Variants in FAM133A observed in about 807,000 individuals in gnomAD.
The protein encoded by FAM133A is family with sequence similarity 133 member A.
For missense variants in FAM133A, 159 were observed against 164.4 expected (o/e 0.97, Z 0.18); for synonymous variants, 65 against 58.6 (o/e 1.11, Z -0.50).
intron 2 of FAM133A, among the ~76,000 whole-genome samples, chrX:93,688,995 G>A (rs1307853617): frequency 9.1e-6 from 1 of 110,046 alleles, no homozygotes; most frequent in Admixed American, 9.8e-5. Flanking sequence ...ATATAGAGAT[G>A]GTATTGGAGA....
At chrX:93,689,535 T>C (rs1925756684) in intron 2 of FAM133A, among the ~76,000 whole-genome samples, 1 of 111,836 alleles carries the variant, frequency 8.9e-6, no homozygotes, top group African/African-American at 3.3e-5. Flanking sequence ...TATATAAATT[T>C]GTTTTTTTAA....
At chrX:93,687,719 C>T (rs933225619) in intron 2 of FAM133A, among the ~76,000 whole-genome samples, 19 of 111,447 alleles carry the variant, frequency 1.7e-4, no homozygotes, top group Non-Finnish European at 1.7e-4. Context: ...TAACTCTAGT[C>T]ATCTTACTAT....
In FAM133A at chrX:93,698,777, A is replaced by G. The variant is rs150316725; in HGVS notation, c.-104+292A>G. On this transcript the variant is annotated intron_variant, in intron 3 of 3. Transcript: ENST00000683942. ...ATTTTAGAGGAAATGAGGTTAATACAGGTGGTTTCTTTTGGTTTGTAAATG... is the reference window on the plus strand; with the variant it reads ...ATTTTAGAGGAAATGAGGTTAATACGGGTGGTTTCTTTTGGTTTGTAAATG... Among the ~76,000 whole-genome samples, 617 of 111,722 alleles carry G rather than the reference A, an allele frequency of 5.5e-3. 3 individuals are homozygous for G. Among genetic ancestry groups the G allele is most frequent in the African/African-American group, 0.019 (597 of 30,807 alleles).
At chrX:93,704,421 T>A (rs1031332029) in intron 3 of FAM133A, among the ~76,000 whole-genome samples, 3 of 111,492 alleles carry the variant, frequency 2.7e-5, no homozygotes, top group African/African-American at 9.7e-5. Flanking sequence ...ACATTAAGGT[T>A]TTTTTTTAAA....
chrX:93,704,674 G>A (rs1926930048), intron 3 of FAM133A, among the ~76,000 whole-genome samples: 1 of 111,848 alleles, frequency 8.9e-6, no homozygotes, highest in African/African-American at 3.2e-5. Flanking sequence ...AAACTACATT[G>A]TGAAACATTT....
chrX:93,710,179 A>C lies in FAM133A; in HGVS notation c.*13A>C. ...CAAGTCAAGGTAACATCAAGAAAAAAAGCAAGAATGAGTTTGCCGAGTTCC... is the reference window on the plus strand; with the variant it reads ...CAAGTCAAGGTAACATCAAGAAAAACAGCAAGAATGAGTTTGCCGAGTTCC... On this transcript the variant is annotated 3_prime_UTR_variant, in exon 4 of 4. Transcript: ENST00000683942. 1 of 1,150,003 alleles carries C rather than the reference A, an allele frequency of 8.7e-7. No homozygotes were observed. Among genetic ancestry groups the C allele is most frequent in the African/African-American group, 1.8e-5 (1 of 54,531 alleles). The allele number at this position is 1,150,003 out of a possible 1,213,427, so 94.8% of individuals were successfully genotyped here.
At chrX:93,700,468 A>T (rs1211120043) in intron 3 of FAM133A, among the ~76,000 whole-genome samples, 1 of 111,456 alleles carries the variant, frequency 9.0e-6, no homozygotes, top group East Asian at 2.8e-4. Context: ...TCAGCTTAAG[A>T]CATTTTTCCA....
chrX:93,705,409 T>A (rs1602848054), intron 3 of FAM133A, among the ~76,000 whole-genome samples: 1 of 111,670 alleles, frequency 9.0e-6, no homozygotes, highest in Admixed American at 9.6e-5. Flanking sequence ...TTGTTGGTGT[T>A]ACTTTTTCTC....
At position 93,688,450 on chromosome X, in the gene FAM133A, C is replaced by G. The variant is rs749017899; in HGVS notation, c.-192-9947C>G. ...GTTAGTATCTTTTTTGAATGGTAGT[C>G]TTGTATATTTGTCTAACTATTTATG... On this transcript the variant is annotated intron_variant, in intron 2 of 3. Transcript: ENST00000683942. Among the ~76,000 whole-genome samples, 3 of 110,621 alleles carry G rather than the reference C, an allele frequency of 2.7e-5. No individual in the cohort carries two copies. The South Asian group carries it at 1.1e-3, about 42-fold the overall frequency.
intron 3 of FAM133A, among the ~76,000 whole-genome samples, chrX:93,707,584 T>A (rs1027622612): frequency 5.4e-5 from 6 of 111,483 alleles, no homozygotes; most frequent in African/African-American, 2.0e-4. Context: ...ACTTACCTCC[T>A]TCCCCCTGCC....
chrX:93,701,413 G>GAGA (rs1926695380), intron 3 of FAM133A, among the ~76,000 whole-genome samples: 1 of 111,814 alleles, frequency 8.9e-6, no homozygotes, highest in African/African-American at 3.2e-5. Context: ...ACAATGGGCA[G>GAGA]AGAACATAGG....
chrX:93,707,866 A>G (rs1216942565), intron 3 of FAM133A, among the ~76,000 whole-genome samples: 1 of 111,950 alleles, frequency 8.9e-6, no homozygotes, highest in Non-Finnish European at 1.9e-5. Context: ...TATGTCAGGT[A>G]ATGGGAACAC....
Position 93,709,616 on chromosome X carries a change from A to G in FAM133A, c.197A>G (p.Asn66Ser). The G allele has an allele frequency of 8.4e-7, 1 of 1,196,923 alleles. No homozygotes were observed. Among genetic ancestry groups the G allele is most frequent in the South Asian group, 1.9e-5 (1 of 53,548 alleles). ...TTAGCTGAATTTGAAGAAAAAATGA[A>G]TGAAAATTGGAAGAAAGAACTTGAA... Reference protein sequence around the residue: ...KALAEFEEKMNENWKKELEKS... With the variant: ...KALAEFEEKMSENWKKELEKS... The change falls in exon 4 of 4, where the codon AAT becomes AGT. Residue 66 changes from asparagine (N) to serine (S), a missense_variant. By Grantham distance (46) the Asn-to-Ser change is conservative. Transcript: ENST00000683942.
intron 2 of FAM133A, among the ~76,000 whole-genome samples, chrX:93,694,007 AT>A (rs778856324): frequency 9.0e-6 from 1 of 110,509 alleles, no homozygotes; most frequent in African/African-American, 3.3e-5. Context: ...CCCAAGGTAT[AT>A]TTTTTTTAAA....
At chrX:93,684,244 A>G (rs1292329588) in intron 2 of FAM133A, among the ~76,000 whole-genome samples, 1 of 111,973 alleles carries the variant, frequency 8.9e-6, no homozygotes, top group Non-Finnish European at 1.9e-5. Context: ...TCCCAGCACT[A>G]TTTATTGAAG....
At chrX:93,676,817 C>T (rs776233170) in intron 2 of FAM133A, among the ~76,000 whole-genome samples, 57 of 110,260 alleles carry the variant, frequency 5.2e-4, no homozygotes, top group Non-Finnish European at 8.6e-4. Flanking sequence ...ATTATTTTTT[C>T]CAGATATAGG....
intron 2 of FAM133A, among the ~76,000 whole-genome samples, chrX:93,695,357 G>A (rs1231177295): frequency 9.1e-6 from 1 of 109,940 alleles, no homozygotes; most frequent in Admixed American, 9.7e-5. Context: ...GGATTCAAGC[G>A]ATTCTCCTGC....
chrX:93,704,140 GA>G (rs1185184855), intron 3 of FAM133A, among the ~76,000 whole-genome samples: 2 of 111,356 alleles, frequency 1.8e-5, no homozygotes, highest in African/African-American at 6.5e-5. Flanking sequence ...GTATTTCCTG[GA>G]AATTAATATA....
At chrX:93,687,209 G>A (rs1196988700) in intron 2 of FAM133A, among the ~76,000 whole-genome samples, 1 of 112,144 alleles carries the variant, frequency 8.9e-6, no homozygotes, top group Non-Finnish European at 1.9e-5. Context: ...TAGAGCTGGA[G>A]GCTACTTTTC....
Sources: allele counts gnomAD v4.1 joint callset (sites outside exome capture counted in the v4.1 genomes callset), GRCh38; gene constraint gnomAD v4.1.1; transcripts MANE v1.5; gene names NCBI Gene and HGNC (gene_info 2026-07-23, HGNC 2026-07-21).